The following WDR76 variants were observed in gnomAD, a reference collection of about 807,000 sequenced individuals.
The protein encoded by WDR76 is WD repeat domain 76.
A neutral mutation model predicts 70.2 loss-of-function variants in WDR76; 52 were observed. The ratio of observed to expected loss-of-function variants is 0.74; its 90% CI spans 0.59 to 0.93. The LOEUF (loss-of-function observed/expected upper bound fraction) is 0.93, where lower values mean the gene tolerates loss of function less well. Among genes scored for constraint, WDR76 ranks in the 40% least tolerant of loss-of-function variants. The probability of loss-of-function intolerance (pLI) is 0.00; values close to 1 mark genes in which losing one functional copy is unlikely to be tolerated. For synonymous variants in WDR76, 292 were observed against 271.1 expected, an observed-to-expected ratio of 1.08 and a Z score of -0.76; for missense variants, 756 against 760.2, an observed-to-expected ratio of 0.99 and a Z score of 0.07.
intron 11 of WDR76, among the ~76,000 whole-genome samples, chr15:43,859,618 A>G (rs1294981243): frequency 1.3e-5 from 2 of 151,938 alleles, no homozygotes; most frequent in Non-Finnish European, 2.9e-5. Flanking sequence ...GTGTCTAGTT[A>G]GTTTCTAGCA....
In WDR76 at chr15:43,847,672, C is replaced by T. The variant is rs1444586369; in HGVS notation, c.1033-3415C>T. On this transcript the variant is annotated intron_variant, in intron 8 of 12. Coordinates refer to ENST00000263795, the MANE Select transcript of WDR76 (RefSeq NM_024908.4). ...TCCTGACCTTGTAATCCACCCGCCT[C>T]GGCCTCCCAAAGTGCTGGGTTTACA... Among the ~76,000 whole-genome samples the T allele has an allele frequency of 5.3e-5, 8 of 152,002 alleles. No individual in the cohort carries two copies. The East Asian group carries it at 5.8e-4, about 11-fold the overall frequency.
At chr15:43,855,203 C>A (rs553593448) in intron 9 of WDR76, among the ~76,000 whole-genome samples, 1 of 152,148 alleles carries the variant, frequency 6.6e-6, no homozygotes, top group Non-Finnish European at 1.5e-5. Context: ...GTTTCAGATA[C>A]CACTGACTAA....
chr15:43,842,510 G>T lies in WDR76; in HGVS notation c.828G>T (p.Met276Ile). The T allele has an allele frequency of 6.2e-7, 1 of 1,613,720 alleles. No homozygotes were observed. Among genetic ancestry groups the T allele is most frequent in the Non-Finnish European group, 8.5e-7 (1 of 1,179,818 alleles). The change falls in exon 6 of 13, where the codon ATG becomes ATT. Residue 276 changes from methionine to isoleucine, a missense_variant. By Grantham distance (10) the Met-to-Ile change is conservative (BLOSUM62 1). Transcript: ENST00000263795. ...GATTTCTGCACACATGGGCAGGAAT[G>T]AGCAAGGTATCACTTGGGAAGGCCA... ...FKGFLHTWAG[M>I]SKPSSKNTEK... is the part of the protein sequence containing the mutation.
At chr15:43,833,860 T>A (rs1033441521) in intron 2 of WDR76, among the ~76,000 whole-genome samples, 2 of 145,188 alleles carry the variant, frequency 1.4e-5, no homozygotes, top group Non-Finnish European at 3.0e-5. Flanking sequence ...TGGTCCTGAT[T>A]TCCTGACCTG....
Position 43,857,163 on chromosome 15 carries a change from G to A in WDR76, c.1409G>A (p.Arg470Lys). The A allele has an allele frequency of 6.2e-7, 1 of 1,610,552 alleles. No homozygotes were observed. The part of the protein sequence containing the change: ...HRQYFITAGL[R>K]DTHIYDARRL... The stretch of plus-strand genomic sequence containing the variant: ...CAGTATTTTATCACTGCCGGATTGA[G>A]GTATGGTCTTTATAAGACTTTATGA... The change falls in exon 10 of 13, where the codon AGG (arginine) becomes AAG (lysine). Residue 470 changes from arginine (R) to lysine (K), a missense_variant and splice_region_variant. Arg to Lys is a conservative substitution (Grantham distance 26, BLOSUM62 2). Coordinates refer to ENST00000263795, the MANE Select transcript of WDR76 (RefSeq NM_024908.4).
chr15:43,847,376 T>C (rs2087801882), intron 8 of WDR76, among the ~76,000 whole-genome samples: 1 of 151,890 alleles, frequency 6.6e-6, no homozygotes, highest in Admixed American at 6.6e-5. Context: ...TTCTCGTGCC[T>C]CAGCCTCCTG....
chr15:43,866,544 TAGTA>T lies in WDR76; in HGVS notation c.*155_*158del. 1.1e-6 allele frequency: 1 copy of T among 937,324 alleles called. No individual in the cohort carries two copies. The highest frequency in any genetic ancestry group is 2.6e-5 in the East Asian group (1 of 37,846). 58.1% of individuals were successfully genotyped at this position (937,324 alleles called of 1,614,324 possible). ...TAAGACTATAAGAAGAGTGTACTTT[TAGTA>T]AGGGAGAAGTCTTGGAGGGTTGCTT... is the stretch of plus-strand genomic sequence containing the variant. On this transcript the variant is annotated 3_prime_UTR_variant, in exon 13 of 13. Coordinates refer to ENST00000263795, the MANE Select transcript of WDR76 (RefSeq NM_024908.4).
In WDR76 at chr15:43,848,086, A is replaced by C. The variant is rs535844045; in HGVS notation, c.1033-3001A>C. ...CTCTTAAAAAAAACAAACAAACAAAAAAAAAACTGGATGTAGTGGTGTGTG... is the reference window on the plus strand; with the variant it reads ...CTCTTAAAAAAAACAAACAAACAAACAAAAAACTGGATGTAGTGGTGTGTG... On this transcript the variant is annotated intron_variant, in intron 8 of 12. Coordinates refer to ENST00000263795, the MANE Select transcript of WDR76 (RefSeq NM_024908.4). Among the ~76,000 whole-genome samples the C allele has an allele frequency of 8.1e-4, 122 of 151,388 alleles. 1 individual carries two copies. The highest frequency in any genetic ancestry group is 4.8e-3 in the South Asian group (23 of 4,782).
At chr15:43,829,238 G>T (rs1427339782) in intron 2 of WDR76, among the ~76,000 whole-genome samples, 1 of 152,080 alleles carries the variant, frequency 6.6e-6, no homozygotes, top group Non-Finnish European at 1.5e-5. Context: ...CCTACCAGGA[G>T]CGCCGTGCTC....
At chr15:43,857,665 C>T (rs540032316) in intron 10 of WDR76, 7 of 282,066 alleles carry the variant, frequency 2.5e-5, no homozygotes, top group East Asian at 1.8e-4. Context: ...ACTAAAAATA[C>T]AAAAACTAAC....
intron 11 of WDR76, 117 bp downstream of exon 11, chr15:43,858,940 T>C (rs2087964318): frequency 1.5e-6 from 2 of 1,303,490 alleles, no homozygotes; most frequent in Non-Finnish European, 1.1e-6. Flanking sequence ...TGTTATTGTT[T>C]AGTAGTCATA....
chr15:43,864,953 C>T (rs2088051076), intron 12 of WDR76, among the ~76,000 whole-genome samples: 1 of 151,888 alleles, frequency 6.6e-6, no homozygotes, highest in Admixed American at 6.6e-5. Context: ...GAAATGGAGT[C>T]TCCCTCTGAC....
chr15:43,863,354 C>G (rs1246479571), intron 12 of WDR76, among the ~76,000 whole-genome samples: 1 of 152,042 alleles, frequency 6.6e-6, no homozygotes, highest in Non-Finnish European at 1.5e-5. Context: ...ACCTCACGTA[C>G]TTACCATTTT....
rs758830027 is a variant in WDR76, at chr15:43,866,110, T to C, written c.1617-18T>C. 10 of 1,611,510 alleles carry C rather than the reference T, an allele frequency of 6.2e-6. 1 individual carries two copies. The highest frequency in any genetic ancestry group is 2.2e-5 in the South Asian group (2 of 91,040). On this transcript the variant is annotated intron_variant, in intron 12 of 12. Transcript: ENST00000263795. ...TTAACCTTACTTCATTTAAAAAATA[T>C]ATTGTTTTCCTCACTAGGCACAACA...
chr15:43,827,166 C>T lies in WDR76; in HGVS notation c.60+74C>T, dbSNP rs545209656. ...GTGAGGGTTATGCGGGACACAGGCC[C>T]AGGAGGTCGAGGGCACCTGGCACCG... On this transcript the variant is annotated intron_variant, in intron 1 of 12. Transcript: ENST00000263795. 1.0e-4 allele frequency: 162 copies of T among 1,601,620 alleles called. No individual in the cohort carries two copies. The African/African-American group carries it at 1.5e-3, about 14-fold the overall frequency.
At chr15:43,858,937 G>A in intron 11 of WDR76, 114 bp downstream of exon 11, 1 of 1,327,742 alleles carries the variant, frequency 7.5e-7, no homozygotes. Context: ...TAGTGTTATT[G>A]TTTAGTAGTC....
chr15:43,840,005 A>T (rs1213470929), intron 5 of WDR76, among the ~76,000 whole-genome samples: 1 of 151,936 alleles, frequency 6.6e-6, no homozygotes, highest in Non-Finnish European at 1.5e-5. Flanking sequence ...TTACAGGCAC[A>T]TGCCACCATA....
chr15:43,866,638 T>G lies in WDR76; in HGVS notation c.*246T>G. 2.2e-6 allele frequency: 1 copy of G among 447,156 alleles called. No individual in the cohort carries two copies. The highest frequency in any genetic ancestry group is 3.9e-6 in the Non-Finnish European group (1 of 254,222). The allele number at this position is 447,156 out of a possible 1,614,324, so 27.7% of individuals were successfully genotyped here. A position where few individuals can be genotyped will look rare whatever the true frequency, so the allele number is the denominator to read the frequency against. On this transcript the variant is annotated 3_prime_UTR_variant, in exon 13 of 13. Coordinates refer to ENST00000263795, the MANE Select transcript of WDR76 (RefSeq NM_024908.4). Reference sequence around the variant, plus strand: ...CCGTCAGGACTTTTTTTTTTTTTTTTTTTTTGAGATGGAGTTTTGCTCTTG... The same window carrying G: ...CCGTCAGGACTTTTTTTTTTTTTTTGTTTTTGAGATGGAGTTTTGCTCTTG...
chr15:43,832,010 G>A (rs921458819), intron 2 of WDR76, among the ~76,000 whole-genome samples: 45 of 152,204 alleles, frequency 3.0e-4, no homozygotes, highest in African/African-American at 1.1e-3. Flanking sequence ...GTCTCCCAAA[G>A]TGCTAGGATT....
Sources: allele counts gnomAD v4.1 joint callset (sites outside exome capture counted in the v4.1 genomes callset), GRCh38; gene constraint gnomAD v4.1.1; transcripts MANE v1.5; gene names NCBI Gene and HGNC (gene_info 2026-07-23, HGNC 2026-07-21).